Variants in DSCAM observed in about 807,000 individuals in gnomAD.
DSCAM encodes DS cell adhesion molecule, also known as cell adhesion molecule DSCAM.
In DSCAM, 47 loss-of-function variants were observed where a neutral mutation model predicts 217.7. The observed-to-expected ratio is 0.22, with a 90% CI of 0.17 to 0.28. The LOEUF is 0.28. Among genes scored for constraint, DSCAM ranks in the 10% least tolerant of loss-of-function variants. The probability of loss-of-function intolerance (pLI) is 1.00; values close to 1 mark genes in which losing one functional copy is unlikely to be tolerated. For missense variants in DSCAM, 2,080 were observed against 2,618.3 expected (o/e 0.79, Z 4.49); for synonymous variants, 1,056 against 1,015.3 (o/e 1.04, Z -0.76).
chr21:40,770,081 A>G (rs1052760240), intron 1 of DSCAM, among the ~76,000 whole-genome samples: 2 of 152,164 alleles, frequency 1.3e-5, no homozygotes, highest in Non-Finnish European at 2.9e-5. Flanking sequence ...TTCTTTAACA[A>G]TAACACTGAA....
Position 40,668,003 on chromosome 21 carries a change from C to A in DSCAM, c.508+24807G>T, listed in dbSNP as rs541903308. Among the ~76,000 whole-genome samples, 3 of 152,280 alleles carry A rather than the reference C, an allele frequency of 2.0e-5. No individual in the cohort carries two copies. The South Asian group carries it at 6.2e-4, about 32-fold the overall frequency. ...CCAGTACCTTCCTTCTAATACCTTTCCAAATTTTTATCTGGAAGTAGAAGG... is the reference window on the plus strand; with the variant it reads ...CCAGTACCTTCCTTCTAATACCTTTACAAATTTTTATCTGGAAGTAGAAGG... On this transcript the variant is annotated intron_variant, in intron 3 of 32. Transcript: ENST00000400454.
intron 9 of DSCAM, 71 bp downstream of exon 9, chr21:40,312,010 A>C (rs2074143938): frequency 7.7e-7 from 1 of 1,302,504 alleles, no homozygotes; most frequent in Non-Finnish European, 1.0e-6. Flanking sequence ...GAAATATTTC[A>C]AGCCCCATCA....
intron 1 of DSCAM, among the ~76,000 whole-genome samples, chr21:40,832,992 A>G (rs2092024346): frequency 1.3e-5 from 2 of 152,246 alleles, no homozygotes; most frequent in Admixed American, 1.3e-4. Context: ...CTGTGTTATC[A>G]GAAAACAAAA....
chr21:40,530,889 CCATCCATCCATCCATCCATCCATCCA>C (rs2076439361), intron 3 of DSCAM, among the ~76,000 whole-genome samples: 1 of 81,318 alleles, frequency 1.2e-5, no homozygotes. Flanking sequence ...GTCCATCCAT[CCATCCATCCATCCATCCATCCATCCA>C]TTCAACCATC....
intron 11 of DSCAM, among the ~76,000 whole-genome samples, chr21:40,225,736 A>G (rs942122960): frequency 6.6e-6 from 1 of 152,154 alleles, no homozygotes; most frequent in Non-Finnish European, 1.5e-5. Context: ...TGTTGGGACC[A>G]TGGAGAGAAC....
At chr21:40,630,004 G>A (rs1486126955) in intron 3 of DSCAM, among the ~76,000 whole-genome samples, 1 of 152,062 alleles carries the variant, frequency 6.6e-6, no homozygotes, top group Non-Finnish European at 1.5e-5. Context: ...AAACAAAGAG[G>A]GTGCCCTTTA....
At chr21:40,614,104 C>T (rs1176945433) in intron 3 of DSCAM, among the ~76,000 whole-genome samples, 1 of 152,208 alleles carries the variant, frequency 6.6e-6, no homozygotes, top group African/African-American at 2.4e-5. Context: ...AATCCTGGCA[C>T]TGCCCCCGGG....
chr21:40,249,131 T>C (rs2073267903), intron 11 of DSCAM, among the ~76,000 whole-genome samples: 1 of 152,162 alleles, frequency 6.6e-6, no homozygotes, highest in Admixed American at 6.5e-5. Flanking sequence ...ATCATACCAA[T>C]GAACATCAGT....
intron 1 of DSCAM, among the ~76,000 whole-genome samples, chr21:40,750,878 T>G (rs1486229441): frequency 6.6e-6 from 1 of 152,136 alleles, no homozygotes; most frequent in African/African-American, 2.4e-5. Context: ...CCTTTCCCCA[T>G]GTCCACACCA....
chr21:40,395,870 C>T (rs768897297), intron 3 of DSCAM, among the ~76,000 whole-genome samples: 4 of 152,150 alleles, frequency 2.6e-5, no homozygotes, highest in Non-Finnish European at 4.4e-5. Flanking sequence ...CATTTATTTG[C>T]CAAGCCTTAT....
rs537182370 is a variant in DSCAM, at chr21:40,098,098, A to T, written c.3697-4224T>A. On this transcript the variant is annotated intron_variant, in intron 20 of 32. Coordinates refer to ENST00000400454, the MANE Select transcript of DSCAM (RefSeq NM_001389.5). ...TCCTATGATAACACTAATCAAAAAA[A>T]TATGGAATGGCTATAGTAATATCAG... Among the ~76,000 whole-genome samples, 8 of 152,226 alleles carry T rather than the reference A, an allele frequency of 5.3e-5. No individual in the cohort carries two copies. The South Asian group carries it at 1.7e-3, about 32-fold the overall frequency.
Position 40,051,873 on chromosome 21 carries a change from A to C in DSCAM, c.5185+85T>G, listed in dbSNP as rs573807663. On this transcript the variant is annotated intron_variant, in intron 30 of 32. Transcript: ENST00000400454. ...CTCAGGCATAGGTATGAAAAGCCAC[A>C]CATTTTCATTTGAGAGAGAAAGAAC... 3 of 1,501,274 alleles carry C rather than the reference A, an allele frequency of 2.0e-6. No individual in the cohort carries two copies. In the African/African-American group the frequency reaches 4.2e-5, roughly 21 times the overall value. 93.0% of individuals were successfully genotyped at this position (1,501,274 alleles called of 1,614,324 possible).
At chr21:40,197,624 C>G (rs1270845794) in intron 11 of DSCAM, among the ~76,000 whole-genome samples, 1 of 152,184 alleles carries the variant, frequency 6.6e-6, no homozygotes, top group Non-Finnish European at 1.5e-5. Flanking sequence ...CCCATCCCCT[C>G]TCTTCCCTTC....
chr21:40,096,610 G>C (rs1052391995), intron 20 of DSCAM, among the ~76,000 whole-genome samples: 4 of 152,016 alleles, frequency 2.6e-5, no homozygotes, highest in Non-Finnish European at 5.9e-5. Flanking sequence ...ACCAAAAAAA[G>C]GTTGTAAAAA....
At chr21:40,617,953 T>C (rs1020072995) in intron 3 of DSCAM, among the ~76,000 whole-genome samples, 7 of 152,226 alleles carry the variant, frequency 4.6e-5, no homozygotes, top group Non-Finnish European at 8.8e-5. Flanking sequence ...CCACCCACTT[T>C]GCAACACACT....
At chr21:40,079,850 G>A (rs554187734) in intron 25 of DSCAM, among the ~76,000 whole-genome samples, 1 of 152,262 alleles carries the variant, frequency 6.6e-6, no homozygotes, top group African/African-American at 2.4e-5. Context: ...AAACGGCTGA[G>A]AGGGCAAGCG....
chr21:40,158,326 G>T (rs2146752942), intron 16 of DSCAM, among the ~76,000 whole-genome samples: 1 of 152,202 alleles, frequency 6.6e-6, no homozygotes, highest in African/African-American at 2.4e-5. Flanking sequence ...GAAGGTCAAG[G>T]CTGCAGTGAG....
At position 40,350,037 on chromosome 21, in the gene DSCAM, ATCT is replaced by A. The variant is rs747979244; in HGVS notation, c.935-2095_935-2093del. Among the ~76,000 whole-genome samples the A allele has an allele frequency of 4.7e-4, 72 of 152,178 alleles. 1 individual carries two copies. The highest frequency in any genetic ancestry group is 5.4e-4 in the Non-Finnish European group (37 of 68,000). On this transcript the variant is annotated intron_variant, in intron 5 of 32. Transcript: ENST00000400454. The stretch of plus-strand genomic sequence containing the variant: ...ATTTGCTTTTTAATCCATTCTGGTA[ATCT>A]TCTCCTATTATTATTATTATTATTT...
At chr21:40,689,230 AT>A (rs1405346691) in intron 3 of DSCAM, among the ~76,000 whole-genome samples, 10 of 152,246 alleles carry the variant, frequency 6.6e-5, no homozygotes, top group Non-Finnish European at 7.3e-5. Context: ...TTAAAAAAGA[AT>A]TTGTAGAAGA....
Sources: allele counts gnomAD v4.1 joint callset (sites outside exome capture counted in the v4.1 genomes callset), GRCh38; gene constraint gnomAD v4.1.1; transcripts MANE v1.5; gene names NCBI Gene and HGNC (gene_info 2026-07-23, HGNC 2026-07-21).